MAML2: variants seen among roughly 807,000 people sequenced by gnomAD.
The protein encoded by MAML2 is mastermind like transcriptional coactivator 2, also known as mastermind-like protein 2.
Under a neutral mutation model 96.1 loss-of-function variants are expected in MAML2, and 22 were observed. The observed-to-expected ratio is 0.23, with a 90% CI of 0.16 to 0.33. The LOEUF (loss-of-function observed/expected upper bound fraction) is 0.33, where lower values mean the gene tolerates loss of function less well. Ranked by LOEUF, MAML2 falls within the 10% of genes least tolerant of loss-of-function variation. The pLI is 1.00. For synonymous variants in MAML2, 561 were observed against 521.3 expected, an observed-to-expected ratio of 1.08 and a Z score of -1.04; for missense variants, 1,367 against 1,392.4, an observed-to-expected ratio of 0.98 and a Z score of 0.29.
intron 2 of MAML2, among the ~76,000 whole-genome samples, chr11:96,073,776 G>A (rs758867804): frequency 1.3e-5 from 2 of 152,150 alleles, no homozygotes; most frequent in Admixed American, 6.5e-5. Context: ...AAGGTGATAC[G>A]GCTCTGGTTG....
At chr11:96,237,566 G>A (rs1436302763) in intron 1 of MAML2, among the ~76,000 whole-genome samples, 1 of 152,160 alleles carries the variant, frequency 6.6e-6, no homozygotes, top group Non-Finnish European at 1.5e-5. Flanking sequence ...CAAACTGTTA[G>A]GCACATAGTG....
intron 1 of MAML2, among the ~76,000 whole-genome samples, chr11:96,135,177 T>C (rs1298859312): frequency 6.6e-6 from 1 of 152,218 alleles, no homozygotes; most frequent in Non-Finnish European, 1.5e-5. Flanking sequence ...CGTGGGTTCC[T>C]AATAAAATAA....
At chr11:96,318,315 A>G (rs2136009091) in intron 1 of MAML2, among the ~76,000 whole-genome samples, 1 of 152,326 alleles carries the variant, frequency 6.6e-6, no homozygotes, top group Non-Finnish European at 1.5e-5. Flanking sequence ...GTAACACAGG[A>G]AGAAGTAAGC....
chr11:96,148,290 TG>T (rs751493045), intron 1 of MAML2, among the ~76,000 whole-genome samples: 3 of 152,128 alleles, frequency 2.0e-5, no homozygotes, highest in Admixed American at 6.5e-5. Flanking sequence ...TGATTTTCTT[TG>T]GGGGGTTGTT....
chr11:96,325,650 A>G (rs776746226), intron 1 of MAML2, among the ~76,000 whole-genome samples: 1 of 151,924 alleles, frequency 6.6e-6, no homozygotes, highest in Non-Finnish European at 1.5e-5. Context: ...CTGTTTCTAT[A>G]AAGAGGAACA....
chr11:96,119,026 T>G (rs901717192), intron 1 of MAML2, among the ~76,000 whole-genome samples: 1 of 152,168 alleles, frequency 6.6e-6, no homozygotes, highest in Non-Finnish European at 1.5e-5. Flanking sequence ...TCTTACCATT[T>G]GTAAAAACAT....
At chr11:95,981,052 G>A (rs550503970) in intron 4 of MAML2, among the ~76,000 whole-genome samples, 16 of 152,206 alleles carry the variant, frequency 1.1e-4, no homozygotes, top group African/African-American at 3.6e-4. Flanking sequence ...GGCCTCTCCT[G>A]TTCCTGTGTG....
chr11:96,314,986 A>G (rs1254682928), intron 1 of MAML2, among the ~76,000 whole-genome samples: 2 of 152,216 alleles, frequency 1.3e-5, no homozygotes, highest in Non-Finnish European at 2.9e-5. Context: ...TCCTACTCCA[A>G]ACAACAAAGT....
At chr11:95,992,405 G>T (rs1297110973) in intron 2 of MAML2, among the ~76,000 whole-genome samples, 1 of 152,104 alleles carries the variant, frequency 6.6e-6, no homozygotes, top group Non-Finnish European at 1.5e-5. Flanking sequence ...AAATAATATT[G>T]GGTATTGGTG....
chr11:96,019,153 G>A (rs1858399555), intron 2 of MAML2, among the ~76,000 whole-genome samples: 1 of 152,070 alleles, frequency 6.6e-6, no homozygotes, highest in Non-Finnish European at 1.5e-5. Context: ...TAGGTTTTAT[G>A]CCTATGAGAA....
intron 1 of MAML2, among the ~76,000 whole-genome samples, chr11:96,179,690 G>C (rs1861452370): frequency 6.6e-6 from 1 of 152,226 alleles, no homozygotes; most frequent in Non-Finnish European, 1.5e-5. Flanking sequence ...AGCCATTTTA[G>C]TATATGTGGT....
chr11:96,099,248 C>T (rs189653045), intron 1 of MAML2, among the ~76,000 whole-genome samples: 1 of 152,046 alleles, frequency 6.6e-6, no homozygotes, highest in African/African-American at 2.4e-5. Context: ...GAGACCAATC[C>T]GAAAGCTAAT....
chr11:96,185,156 G>T (rs1031676242), intron 1 of MAML2, among the ~76,000 whole-genome samples: 18 of 148,358 alleles, frequency 1.2e-4, no homozygotes, highest in Non-Finnish European at 2.5e-4. Flanking sequence ...GCTGCTCTCA[G>T]TGGAGCTCCT....
intron 1 of MAML2, among the ~76,000 whole-genome samples, chr11:96,262,986 A>G (rs1197354777): frequency 2.0e-5 from 3 of 152,210 alleles, no homozygotes; most frequent in Non-Finnish European, 4.4e-5. Context: ...TAATCATTAT[A>G]CTAATTGCTA....
chr11:96,076,395 T>C (rs1177966542), intron 2 of MAML2, among the ~76,000 whole-genome samples: 1 of 151,518 alleles, frequency 6.6e-6, no homozygotes, highest in East Asian at 1.9e-4. Context: ...ATGCAAGCAA[T>C]GGGGCAAGGC....
intron 1 of MAML2, among the ~76,000 whole-genome samples, chr11:96,117,305 A>T (rs11605759): frequency 0.023 from 2,652 of 116,440 alleles, 63 homozygotes; most frequent in African/African-American, 0.073. Context: ...TTTTTTTTTT[A>T]AATTTTTTGA....
intron 1 of MAML2, among the ~76,000 whole-genome samples, chr11:96,318,429 T>G (rs1863659391): frequency 6.6e-6 from 1 of 152,216 alleles, no homozygotes. Flanking sequence ...AGAGAAGTGA[T>G]CATTTAAGAG....
intron 1 of MAML2, among the ~76,000 whole-genome samples, chr11:96,225,041 G>C (rs1266737455): frequency 1.3e-5 from 2 of 152,070 alleles, no homozygotes; most frequent in East Asian, 1.9e-4. Flanking sequence ...AAATACTCTG[G>C]GGGAGTTTCA....
In MAML2 at chr11:96,158,215, A is replaced by G. The variant is rs1422897838; in HGVS notation, c.514-64698T>C. 3.3e-5 allele frequency among the ~76,000 whole-genome samples: 5 copies of G among 152,234 alleles called. No individual in the cohort carries two copies. In the East Asian group the frequency reaches 5.8e-4, roughly 18 times the overall value. On this transcript the variant is annotated intron_variant, in intron 1 of 4. Transcript: ENST00000524717. ...ACACTCCAAGATTTGGTGAAAAATC[A>G]TAGTTTATTTACAGATGAAAGAGTC...
Sources: gnomAD v4.1 joint callset for allele counts (sites outside exome capture counted in the v4.1 genomes callset) on GRCh38, gnomAD v4.1.1 for gene constraint, MANE v1.5 for transcripts, NCBI Gene and HGNC (gene_info 2026-07-23, HGNC 2026-07-21) for gene names.